PGS1: variants seen among roughly 807,000 people sequenced by gnomAD.
The protein encoded by PGS1 is CDP-diacylglycerol--glycerol-3-phosphate 3-phosphatidyltransferase, mitochondrial.
A neutral mutation model predicts 58.3 loss-of-function variants in PGS1; 44 were observed. The observed-to-expected ratio is 0.75, with a 90% CI of 0.59 to 0.97. PGS1 has a LOEUF of 0.97. Ranked by LOEUF, PGS1 falls within the 50% of genes least tolerant of loss-of-function variation. The probability of loss-of-function intolerance (pLI) is 0.00; values close to 1 mark genes in which losing one functional copy is unlikely to be tolerated. For synonymous variants in PGS1, 330 were observed against 311.0 expected (o/e 1.06, Z -0.64); for missense variants, 684 against 731.1 (o/e 0.94, Z 0.74).
chr17:78,383,335 T>C (rs540449393), intron 1 of PGS1, among the ~76,000 whole-genome samples: 2 of 152,196 alleles, frequency 1.3e-5, no homozygotes, highest in African/African-American at 4.8e-5. Context: ...CAAGCGATTC[T>C]CCTGCCTCAG....
intron 1 of PGS1, among the ~76,000 whole-genome samples, chr17:78,379,323 G>A (rs2081864412): frequency 6.6e-6 from 1 of 152,136 alleles, no homozygotes; most frequent in Admixed American, 6.5e-5. Flanking sequence ...AAGCTGTGAA[G>A]CAATCCTTAG....
intron 3 of PGS1, among the ~76,000 whole-genome samples, chr17:78,397,513 C>T (rs755625330): frequency 1.3e-5 from 2 of 151,900 alleles, no homozygotes; most frequent in African/African-American, 2.4e-5. Flanking sequence ...CTCGGCTTGC[C>T]GCAACCTCCG....
In PGS1 at chr17:78,403,705, G is replaced by T; in HGVS notation, c.1018G>T (p.Ala340Ser). ...SLLTQEDAAA[A>S]GDRRPAPDTW... ...TTTGACCCAGGAAGATGCAGCAGCT[G>T]CTGGGGATCGCAGACCAGCCCCTGA... Residue 340 changes from alanine to serine, a missense_variant, in exon 7 of 10, where the codon GCT becomes TCT. Physicochemically the swap from Ala to Ser is moderately conservative, Grantham distance 99. Coordinates refer to ENST00000262764, the MANE Select transcript of PGS1 (RefSeq NM_024419.5). 6.2e-7 allele frequency: 1 copy of T among 1,614,210 alleles called. No homozygotes were observed. The highest frequency in any genetic ancestry group is 8.5e-7 in the Non-Finnish European group (1 of 1,180,046).
At position 78,419,655 on chromosome 17, in the gene PGS1, A is replaced by ACTT. The variant is rs767400550; in HGVS notation, c.1667_1669dup (p.Phe556dup). On this transcript the variant is annotated inframe_insertion, in exon 9 of 10. Coordinates refer to ENST00000262764, the MANE Select transcript of PGS1 (RefSeq NM_024419.5). ...AAGATGGTGACTCCACTGATCAAGA[A>ACTT]CTTCTTCTGAGGACAGACAGGTGCT... 1 of 1,613,808 alleles carries ACTT rather than the reference A, an allele frequency of 6.2e-7. No individual in the cohort carries two copies. Among genetic ancestry groups the ACTT allele is most frequent in the African/African-American group, 1.3e-5 (1 of 74,896 alleles).
In PGS1 at chr17:78,403,957, G is replaced by T. The variant is rs757826744; in HGVS notation, c.1270G>T (p.Val424Leu). The T allele has an allele frequency of 3.1e-6, 5 of 1,614,050 alleles. No individual in the cohort carries two copies. The African/African-American group carries it at 4.0e-5, about 13-fold the overall frequency. The change falls in exon 7 of 10, where the codon GTG becomes TTG. Residue 424 changes from valine to leucine, a missense_variant. Transcript: ENST00000262764. The stretch of plus-strand genomic sequence containing the variant: ...GAATGGCTTCTTTGGGGCCAAGGGG[G>T]TGGCCGGCGCCATCCCAGCGGCCTA... ...EVNGFFGAKGVAGAIPAAYVH... is the reference protein window; with the variant it reads ...EVNGFFGAKGLAGAIPAAYVH...
chr17:78,381,504 A>G (rs964414405), intron 1 of PGS1, among the ~76,000 whole-genome samples: 1 of 152,072 alleles, frequency 6.6e-6, no homozygotes, highest in Non-Finnish European at 1.5e-5. Flanking sequence ...CGAGTTATTC[A>G]TGTTTGTTGT....
intron 7 of PGS1, among the ~76,000 whole-genome samples, chr17:78,409,296 A>T (rs528882431): frequency 6.6e-6 from 1 of 152,374 alleles, no homozygotes; most frequent in East Asian, 1.9e-4. Context: ...TTTCTTCTGG[A>T]CGCAGTATTC....
Position 78,392,577 on chromosome 17 carries a change from G to T in PGS1, c.245G>T (p.Trp82Leu). 4 of 1,614,048 alleles carry T rather than the reference G, an allele frequency of 2.5e-6. No homozygotes were observed. In the Middle Eastern group the frequency reaches 5.0e-4, roughly 200 times the overall value. Residue 82 changes from tryptophan (W) to leucine (L), a missense_variant, in exon 2 of 10, where the codon TGG becomes TTG. Transcript: ENST00000262764. The part of the protein sequence containing the change: ...LCPEGVHRFQ[W>L]IRNLVPEFGV... ...CCAGAAGGCGTGCACCGGTTCCAGT[G>T]GATCAGAAACCTGGTTCCAGAATTT...
At chr17:78,408,932 T>G (rs1369215343) in intron 7 of PGS1, among the ~76,000 whole-genome samples, 1 of 152,074 alleles carries the variant, frequency 6.6e-6, no homozygotes, top group Non-Finnish European at 1.5e-5. Context: ...GAGCTTTCCT[T>G]CCCAAGCCTG....
intron 7 of PGS1, among the ~76,000 whole-genome samples, chr17:78,404,424 G>GCA (rs1314037785): frequency 6.6e-6 from 1 of 151,848 alleles, no homozygotes. Context: ...GGGACTACAG[G>GCA]CGCGTGCCAC....
At chr17:78,380,904 G>GCACTGA in intron 1 of PGS1, 1 of 151,680 alleles carries the variant, frequency 6.6e-6, no homozygotes, top group East Asian at 1.9e-4. Context: ...GGAGTGCAGT[G>GCACTGA]GTCTGATCTC....
At chr17:78,411,902 CTTTTTTTTT>C (rs35472026) in intron 7 of PGS1, among the ~76,000 whole-genome samples, 9 of 58,010 alleles carry the variant, frequency 1.6e-4, no homozygotes, top group South Asian at 1.1e-3. Flanking sequence ...AGGGCTCCTG[CTTTTTTTTT>C]TTTTTTTTTT....
At chr17:78,422,606 T>G (rs1003171094) in intron 9 of PGS1, among the ~76,000 whole-genome samples, 2 of 131,716 alleles carry the variant, frequency 1.5e-5, no homozygotes, top group South Asian at 5.2e-4. Flanking sequence ...CAAGCGACCC[T>G]CCTGCCTCAG....
chr17:78,418,396 C>G (rs1210688266), intron 8 of PGS1, among the ~76,000 whole-genome samples: 1 of 152,212 alleles, frequency 6.6e-6, no homozygotes, highest in Non-Finnish European at 1.5e-5. Context: ...GGAGGCACAG[C>G]TTTAAGCATC....
chr17:78,388,554 T>C (rs1359040406), intron 1 of PGS1, among the ~76,000 whole-genome samples: 1 of 151,968 alleles, frequency 6.6e-6, no homozygotes, highest in Non-Finnish European at 1.5e-5. Flanking sequence ...CTATGTTGCC[T>C]AGGCTGGTCT....
At chr17:78,379,420 T>C (rs1246193078) in intron 1 of PGS1, among the ~76,000 whole-genome samples, 1 of 152,204 alleles carries the variant, frequency 6.6e-6, no homozygotes, top group Non-Finnish European at 1.5e-5. Context: ...ACTGAAGTTA[T>C]GTAAATGATG....
chr17:78,417,797 C>T (rs1294668299), intron 8 of PGS1, among the ~76,000 whole-genome samples: 7 of 151,466 alleles, frequency 4.6e-5, no homozygotes, highest in Admixed American at 3.3e-4. Context: ...GGGCTAGAGT[C>T]GCGGTGCAAC....
intron 7 of PGS1, among the ~76,000 whole-genome samples, chr17:78,410,349 A>G (rs2146281603): frequency 6.6e-6 from 1 of 152,038 alleles, no homozygotes; most frequent in African/African-American, 2.4e-5. Context: ...GAATCGCTTG[A>G]ACCCAGGAGC....
At chr17:78,411,761 C>CCGACAG (rs1419180159) in intron 7 of PGS1, among the ~76,000 whole-genome samples, 1 of 152,154 alleles carries the variant, frequency 6.6e-6, no homozygotes, top group Non-Finnish European at 1.5e-5. Context: ...AACAGATTTC[C>CCGACAG]CGACAGCGAG....
Sources: allele counts gnomAD v4.1 joint callset (sites outside exome capture counted in the v4.1 genomes callset), GRCh38; gene constraint gnomAD v4.1.1; transcripts MANE v1.5; gene names NCBI Gene and HGNC (gene_info 2026-07-23, HGNC 2026-07-21).